The following ROBO2 variants were observed in gnomAD, a reference collection of about 807,000 sequenced individuals.
ROBO2 encodes roundabout guidance receptor 2, also known as roundabout homolog 2.
In ROBO2, 53 loss-of-function variants were observed where a neutral mutation model predicts 160.8. That is an observed-to-expected ratio of 0.33 (90% confidence interval 0.26 to 0.41). The LOEUF is 0.41. ROBO2 is among the 10% of genes least tolerant of loss of function. The pLI, the probability that ROBO2 is intolerant of heterozygous loss-of-function variation, is 1.00. For missense variants in ROBO2, 1,577 were observed against 1,722.4 expected (o/e 0.92, Z 1.49); for synonymous variants, 664 against 611.7 (o/e 1.09, Z -1.26).
intron 2 of ROBO2, among the ~76,000 whole-genome samples, chr3:76,519,750 T>C (rs2081507125): frequency 6.6e-6 from 1 of 152,150 alleles, no homozygotes; most frequent in Non-Finnish European, 1.5e-5. Flanking sequence ...AGGAAGTGAA[T>C]TGCAAAGTAT....
intron 2 of ROBO2, among the ~76,000 whole-genome samples, chr3:76,380,671 TAGTCAAC>T: frequency 6.6e-6 from 1 of 152,192 alleles, no homozygotes; most frequent in Non-Finnish European, 1.5e-5. Flanking sequence ...GTATGGCTCC[TAGTCAAC>T]AGAGGGCTAT....
At chr3:76,349,781 G>T (rs1165740892) in intron 2 of ROBO2, among the ~76,000 whole-genome samples, 2 of 151,980 alleles carry the variant, frequency 1.3e-5, no homozygotes, top group African/African-American at 4.8e-5. Flanking sequence ...TTTTTCTTGT[G>T]TCAGTGTTTT....
At chr3:76,257,184 C>T (rs1272516078) in intron 2 of ROBO2, among the ~76,000 whole-genome samples, 1 of 152,090 alleles carries the variant, frequency 6.6e-6, no homozygotes, top group Admixed American at 6.6e-5. Context: ...GAGACTTGGC[C>T]AGAATATACA....
At chr3:76,106,095 G>T (rs1228123125) in intron 2 of ROBO2, among the ~76,000 whole-genome samples, 1 of 152,058 alleles carries the variant, frequency 6.6e-6, no homozygotes, top group Non-Finnish European at 1.5e-5. Flanking sequence ...GTTATGTTAT[G>T]GATTAGTGAA....
chr3:76,598,321 T>G (rs13083974), intron 2 of ROBO2, among the ~76,000 whole-genome samples: 40,490 of 151,924 alleles, frequency 0.27, 6,632 homozygotes, highest in East Asian at 0.41. Context: ...GTTTTGTTTT[T>G]TTGTTGTTGT....
intron 2 of ROBO2, among the ~76,000 whole-genome samples, chr3:76,160,966 G>A (rs1237948843): frequency 6.6e-6 from 1 of 152,018 alleles, no homozygotes; most frequent in Non-Finnish European, 1.5e-5. Context: ...TTTTTTTCAT[G>A]TAGTTTGAAC....
chr3:76,967,403 C>T lies in ROBO2; in HGVS notation c.110-130611C>T, dbSNP rs111839892. On this transcript the variant is annotated intron_variant, in intron 2 of 26. Transcript: ENST00000487694. Reference sequence around the variant, plus strand: ...GTATTCTTGGTAGAGATGGAGTTTCCGCCATGTTGCCCAGGCTGGTCTCGA... The same window carrying T: ...GTATTCTTGGTAGAGATGGAGTTTCTGCCATGTTGCCCAGGCTGGTCTCGA... Among the ~76,000 whole-genome samples, 1,067 of 151,346 alleles carry T rather than the reference C, an allele frequency of 7.1e-3. 13 individuals are homozygous for T. The highest frequency in any genetic ancestry group is 0.024 in the African/African-American group (998 of 41,206).
At position 77,319,872 on chromosome 3, in the gene ROBO2, CTGT is replaced by C. The variant is rs1373893905; in HGVS notation, c.389-157534_389-157532del. On this transcript the variant is annotated intron_variant, in intron 2 of 25. Coordinates refer to ENST00000461745, the Ensembl canonical transcript of ROBO2. ...TGCTTATGCTATTGGTCCTCCTTTT[CTGT>C]TGTTGTTCAGTCTGCCCCCAAGTGG... Among the ~76,000 whole-genome samples, 5 of 152,238 alleles carry C rather than the reference CTGT, an allele frequency of 3.3e-5. No homozygotes were observed. The East Asian group carries it at 7.7e-4, about 24-fold the overall frequency.
chr3:76,414,149 T>TC, intron 2 of ROBO2, among the ~76,000 whole-genome samples: 1 of 149,042 alleles, frequency 6.7e-6, no homozygotes, highest in East Asian at 1.9e-4. Flanking sequence ...TTCAATTACC[T>TC]CCCCCTGGTC....
intron 5 of ROBO2, among the ~76,000 whole-genome samples, chr3:77,515,842 A>C (rs915361862): frequency 6.6e-6 from 1 of 151,754 alleles, no homozygotes; most frequent in African/African-American, 2.4e-5. Context: ...ACTGGATAAC[A>C]AAGAACTATT....
chr3:76,674,936 C>T (rs901139464), intron 2 of ROBO2, among the ~76,000 whole-genome samples: 1 of 151,754 alleles, frequency 6.6e-6, no homozygotes, highest in Non-Finnish European at 1.5e-5. Context: ...AAAACCCACA[C>T]ATGAAAAAAA....
intron 2 of ROBO2, among the ~76,000 whole-genome samples, chr3:76,480,395 C>T (rs972566563): frequency 5.9e-5 from 9 of 152,064 alleles, no homozygotes; most frequent in Non-Finnish European, 1.2e-4. Context: ...GTAATTTTCT[C>T]ATATAGACGT....
intron 2 of ROBO2, among the ~76,000 whole-genome samples, chr3:76,500,757 G>T (rs2080416381): frequency 1.3e-5 from 2 of 152,112 alleles, no homozygotes; most frequent in African/African-American, 4.8e-5. Flanking sequence ...TTGGAAGTTG[G>T]ATATCTTTGC....
At chr3:76,881,543 A>G (rs1412378033) in intron 2 of ROBO2, among the ~76,000 whole-genome samples, 1 of 152,218 alleles carries the variant, frequency 6.6e-6, no homozygotes, top group Admixed American at 6.5e-5. Context: ...CATGTAAAAA[A>G]TACAAACTCT....
exon 1 of ROBO2, chr3:77,039,993 G>A: frequency 1.7e-6 from 1 of 587,508 alleles, no homozygotes; most frequent in Non-Finnish European, 2.1e-6. Flanking sequence ...GCCGCCTGGT[G>A]CACTATCCTC....
intron 2 of ROBO2, among the ~76,000 whole-genome samples, chr3:77,200,231 A>G (rs1371321757): frequency 1.6e-5 from 2 of 127,826 alleles, no homozygotes; most frequent in East Asian, 4.5e-4. Context: ...ATATATGCTA[A>G]TAATTTGTGT....
At chr3:76,478,682 T>G (rs1428770835) in intron 2 of ROBO2, among the ~76,000 whole-genome samples, 1 of 123,168 alleles carries the variant, frequency 8.1e-6, no homozygotes, top group South Asian at 2.5e-4. Context: ...TTTTCTCTGT[T>G]TTTTTTTTTT....
chr3:77,163,817 T>TA (rs997358298), intron 2 of ROBO2, among the ~76,000 whole-genome samples: 13 of 152,132 alleles, frequency 8.5e-5, no homozygotes, highest in Middle Eastern at 3.4e-3. Context: ...TTACTTTTTT[T>TA]AAAAAAAAAT....
chr3:76,682,699 C>A (rs776633789), intron 2 of ROBO2, among the ~76,000 whole-genome samples: 21 of 152,240 alleles, frequency 1.4e-4, no homozygotes, highest in Admixed American at 4.6e-4. Flanking sequence ...AGCCACGGTG[C>A]CCGGCCCAAA....
Sources: allele counts gnomAD v4.1 joint callset (sites outside exome capture counted in the v4.1 genomes callset), GRCh38; gene constraint gnomAD v4.1.1; transcripts MANE v1.5; gene names NCBI Gene and HGNC (gene_info 2026-07-23, HGNC 2026-07-21).